The following XKR6 variants were observed in gnomAD, a reference collection of about 807,000 sequenced individuals.
The protein encoded by XKR6 is XK-related protein 6.
A neutral mutation model predicts 56.7 loss-of-function variants in XKR6; 22 were observed. The observed-to-expected ratio is 0.39, with a 90% CI of 0.28 to 0.55. The LOEUF (loss-of-function observed/expected upper bound fraction) is 0.55, where lower values mean the gene tolerates loss of function less well. XKR6 is among the 20% of genes least tolerant of loss of function. The pLI, the probability that XKR6 is intolerant of heterozygous loss-of-function variation, is 0.66. For missense variants in XKR6, 852 were observed against 889.0 expected, an observed-to-expected ratio of 0.96 and a Z score of 0.53; for synonymous variants, 524 against 387.8, an observed-to-expected ratio of 1.35 and a Z score of -4.13.
chr8:10,953,381 C>G (rs759133769), intron 1 of XKR6, among the ~76,000 whole-genome samples: 1 of 152,154 alleles, frequency 6.6e-6, no homozygotes, highest in Non-Finnish European at 1.5e-5. Flanking sequence ...ATCTGAGATG[C>G]CTGCTCCCCC....
intron 1 of XKR6, among the ~76,000 whole-genome samples, chr8:11,017,146 G>C (rs761348802): frequency 4.5e-4 from 68 of 152,202 alleles, no homozygotes; most frequent in Non-Finnish European, 8.4e-4. Flanking sequence ...ATAGATGATA[G>C]ATACATATAG....
At chr8:11,025,068 C>T (rs1405692528) in intron 1 of XKR6, among the ~76,000 whole-genome samples, 4 of 152,208 alleles carry the variant, frequency 2.6e-5, no homozygotes, top group African/African-American at 9.6e-5. Flanking sequence ...GGGATCCCCC[C>T]ATCTTTCTAC....
At chr8:11,113,328 T>C (rs907313845) in intron 1 of XKR6, among the ~76,000 whole-genome samples, 1 of 152,182 alleles carries the variant, frequency 6.6e-6, no homozygotes, top group African/African-American at 2.4e-5. Context: ...TACCTCAACA[T>C]ATTTAAAAGG....
At chr8:11,199,805 C>T (rs1385562956) in intron 1 of XKR6, among the ~76,000 whole-genome samples, 1 of 152,176 alleles carries the variant, frequency 6.6e-6, no homozygotes, top group South Asian at 2.1e-4. Context: ...ATATAAATCA[C>T]TTACACACTG....
intron 1 of XKR6, among the ~76,000 whole-genome samples, chr8:10,978,849 C>T (rs7011106): frequency 0.48 from 73,618 of 152,082 alleles, 18,798 homozygotes; most frequent in African/African-American, 0.57. Flanking sequence ...CAGTGGCCAC[C>T]GTGGCCTGTG....
chr8:11,194,951 C>A (rs1300529714), intron 1 of XKR6: 2 of 544,002 alleles, frequency 3.7e-6, no homozygotes, highest in Non-Finnish European at 6.5e-6. Flanking sequence ...TTTTTCATCC[C>A]CTTCCCTTGA....
At chr8:10,983,506 A>G (rs1399012014) in intron 1 of XKR6, among the ~76,000 whole-genome samples, 1 of 152,182 alleles carries the variant, frequency 6.6e-6, no homozygotes, top group Non-Finnish European at 1.5e-5. Context: ...ATTATCACAG[A>G]AAAAAATAGT....
chr8:10,950,064 G>A (rs770987102), intron 1 of XKR6, among the ~76,000 whole-genome samples: 1 of 152,180 alleles, frequency 6.6e-6, no homozygotes, highest in Non-Finnish European at 1.5e-5. Flanking sequence ...CCTGGCCCAG[G>A]AATGCATGCA....
chr8:10,987,885 G>C (rs755812615), intron 1 of XKR6, among the ~76,000 whole-genome samples: 9 of 152,172 alleles, frequency 5.9e-5, no homozygotes, highest in African/African-American at 9.7e-5. Flanking sequence ...CTGGGCTACT[G>C]TCTCACAGCA....
intron 1 of XKR6, among the ~76,000 whole-genome samples, chr8:10,967,527 G>C (rs984134536): frequency 6.6e-5 from 10 of 152,218 alleles, no homozygotes; most frequent in Non-Finnish European, 1.0e-4. Context: ...CTGAGGCAGA[G>C]GTCGGGGGGC....
chr8:11,138,085 C>T (rs1024355195), intron 1 of XKR6: 18 of 191,764 alleles, frequency 9.4e-5, no homozygotes, highest in African/African-American at 4.1e-4. Context: ...GAATGCTTGC[C>T]TCTACCATGG....
At chr8:10,908,720 A>T (rs1271738692) in intron 2 of XKR6, among the ~76,000 whole-genome samples, 1 of 152,150 alleles carries the variant, frequency 6.6e-6, no homozygotes, top group African/African-American at 2.4e-5. Context: ...AAAAATTCAT[A>T]TGGTGGGAAC....
intron 1 of XKR6, among the ~76,000 whole-genome samples, chr8:11,192,434 C>A (rs1026623202): frequency 5.7e-4 from 86 of 152,212 alleles, no homozygotes; most frequent in African/African-American, 2.0e-3. Flanking sequence ...AGACGTGAGC[C>A]ACAGCGCCTG....
At chr8:11,033,421 A>ATGATGG (rs1563358047) in intron 1 of XKR6, among the ~76,000 whole-genome samples, 2 of 120,550 alleles carry the variant, frequency 1.7e-5, no homozygotes, top group African/African-American at 7.5e-5. Flanking sequence ...GATGATGATG[A>ATGATGG]TGATGATGGT....
intron 2 of XKR6, among the ~76,000 whole-genome samples, chr8:10,916,597 G>A (rs1173134353): frequency 1.3e-5 from 2 of 152,128 alleles, no homozygotes; most frequent in South Asian, 2.1e-4. Context: ...CGGGCCCCTC[G>A]GCCCTCCCTC....
At chr8:11,074,689 G>A (rs922587257) in intron 1 of XKR6, among the ~76,000 whole-genome samples, 2 of 152,166 alleles carry the variant, frequency 1.3e-5, no homozygotes, top group African/African-American at 4.8e-5. Context: ...TCCAAGGTGG[G>A]AGAGAGGCAG....
chr8:10,907,825 C>G (rs1035359435), intron 2 of XKR6, among the ~76,000 whole-genome samples: 12 of 152,196 alleles, frequency 7.9e-5, no homozygotes, highest in Non-Finnish European at 1.2e-4. Context: ...AGGACCCACC[C>G]CGCGGAGGCC....
chr8:11,045,240 C>G (rs2129157565), intron 1 of XKR6, among the ~76,000 whole-genome samples: 1 of 151,966 alleles, frequency 6.6e-6, no homozygotes, highest in African/African-American at 2.4e-5. Context: ...GCACACACCA[C>G]CAGACCTGGC....
intron 1 of XKR6, among the ~76,000 whole-genome samples, chr8:11,173,398 C>CAT (rs977525733): frequency 1.7e-4 from 25 of 148,904 alleles, no homozygotes; most frequent in African/African-American, 4.5e-4. Flanking sequence ...AATATATATA[C>CAT]ATATATATAT....
Sources: gnomAD v4.1 joint callset for allele counts (sites outside exome capture counted in the v4.1 genomes callset) on GRCh38, gnomAD v4.1.1 for gene constraint, MANE v1.5 for transcripts, NCBI Gene and HGNC (gene_info 2026-07-23, HGNC 2026-07-21) for gene names.